Variants in HADHB observed in about 807,000 individuals in gnomAD.
HADHB encodes hydroxyacyl-CoA dehydrogenase trifunctional multienzyme complex subunit beta.
Under a neutral mutation model 61.9 loss-of-function variants are expected in HADHB, and 50 were observed. That is an observed-to-expected ratio of 0.81 (90% CI 0.64 to 1.02). The LOEUF (loss-of-function observed/expected upper bound fraction) is 1.02. Among genes scored for constraint, HADHB ranks in the 50% least tolerant of loss-of-function variants. The pLI is 0.00. For missense variants in HADHB, 504 were observed against 586.5 expected (o/e 0.86, Z 1.45); for synonymous variants, 191 against 201.6 (o/e 0.95, Z 0.45).
chr2:26,263,230 C>T (rs977769743), intron 3 of HADHB, 150 bp from the exon 4 acceptor site: 5 of 528,404 alleles, frequency 9.5e-6, no homozygotes, highest in Middle Eastern at 5.4e-4. Flanking sequence ...ATCCGGGAGG[C>T]AGAGGTTGCA....
intron 10 of HADHB, among the ~76,000 whole-genome samples, chr2:26,281,656 T>C (rs1672793557): frequency 6.6e-6 from 1 of 152,240 alleles, no homozygotes; most frequent in Admixed American, 6.5e-5. Flanking sequence ...TTTTGGGGAC[T>C]GCATTAGTGC....
intron 3 of HADHB, chr2:26,261,221 C>A (rs979607333): frequency 5.0e-5 from 24 of 475,570 alleles, no homozygotes; most frequent in Non-Finnish European, 7.4e-5. Flanking sequence ...TACCCCCCCC[C>A]CATCCAGACA....
intron 3 of HADHB, among the ~76,000 whole-genome samples, chr2:26,257,906 C>G (rs550585688): frequency 5.0e-4 from 76 of 152,158 alleles, no homozygotes; most frequent in African/African-American, 1.7e-3. Flanking sequence ...GTAATCCCAG[C>G]TACTTGGGAG....
Position 26,271,563 on chromosome 2 carries a change from C to CT in HADHB, c.254+1571dup, listed in dbSNP as rs569616427. On this transcript the variant is annotated intron_variant, in intron 5 of 15. Transcript: ENST00000317799. ...CACAACTGGATCTCTCCCTCTTTCT[C>CT]TTTTTGAAAGGTGTTTTGCAAGTTT... 5.3e-5 allele frequency among the ~76,000 whole-genome samples: 8 copies of CT among 152,236 alleles called. No homozygotes were observed. The South Asian group carries it at 1.7e-3, about 32-fold the overall frequency.
chr2:26,274,581 G>T (rs759705722), intron 6 of HADHB, among the ~76,000 whole-genome samples: 3 of 152,190 alleles, frequency 2.0e-5, no homozygotes, highest in Non-Finnish European at 2.9e-5. Context: ...TGAAGCCTAC[G>T]AAACTAACTG....
In HADHB at chr2:26,246,560, C is replaced by T. The variant is rs760310170; in HGVS notation, c.-9+1570C>T. ...TTCACCATGTTAGCCAGCCTGGTCC[C>T]GAACTCCTGACCTTAGGTGATTCGC... On this transcript the variant is annotated intron_variant, in intron 1 of 15. Coordinates refer to ENST00000317799, the MANE Select transcript of HADHB (RefSeq NM_000183.3). Among the ~76,000 whole-genome samples, 5 of 152,106 alleles carry T rather than the reference C, an allele frequency of 3.3e-5. 1 individual carries two copies. Among genetic ancestry groups the T allele is most frequent in the Admixed American group, 6.5e-5 (1 of 15,268 alleles).
intron 3 of HADHB, chr2:26,261,035 T>C: frequency 6.6e-7 from 1 of 1,517,604 alleles, no homozygotes; most frequent in Non-Finnish European, 8.8e-7. Context: ...CACTGGTTTC[T>C]GGTTGGCTCC....
chr2:26,257,014 T>C (rs1429733690), intron 3 of HADHB, among the ~76,000 whole-genome samples: 1 of 152,228 alleles, frequency 6.6e-6, no homozygotes, highest in Non-Finnish European at 1.5e-5. Flanking sequence ...TTTTCTCTAA[T>C]GCTTTTTCTT....
At chr2:26,252,461 A>G (rs533272203) in intron 1 of HADHB, among the ~76,000 whole-genome samples, 2 of 152,350 alleles carry the variant, frequency 1.3e-5, no homozygotes, top group South Asian at 4.1e-4. Flanking sequence ...CCTGACCCCT[A>G]GTTACCCAGT....
At chr2:26,263,770 T>C (rs970384605) in intron 4 of HADHB, among the ~76,000 whole-genome samples, 11 of 152,230 alleles carry the variant, frequency 7.2e-5, no homozygotes, top group Admixed American at 2.6e-4. Context: ...TTTCCTTTTC[T>C]GGAGACAAGT....
chr2:26,262,526 C>CT (rs1671906432), intron 3 of HADHB, among the ~76,000 whole-genome samples: 1 of 152,084 alleles, frequency 6.6e-6, no homozygotes. Flanking sequence ...GTATTATTTA[C>CT]TTTTTAAAAA....
chr2:26,275,758 A>T (rs1672513478), intron 6 of HADHB, among the ~76,000 whole-genome samples: 1 of 152,252 alleles, frequency 6.6e-6, no homozygotes, highest in Non-Finnish European at 1.5e-5. Context: ...GAATGAGGTC[A>T]TGTTGCAGTT....
At chr2:26,259,120 T>G (rs1671758999) in intron 3 of HADHB, among the ~76,000 whole-genome samples, 1 of 152,212 alleles carries the variant, frequency 6.6e-6, no homozygotes, top group Non-Finnish European at 1.5e-5. Context: ...CACCAATTAC[T>G]TACTGCACGG....
chr2:26,253,802 G>C (rs928157939), intron 1 of HADHB, among the ~76,000 whole-genome samples: 1 of 151,150 alleles, frequency 6.6e-6, no homozygotes, highest in South Asian at 2.1e-4. Context: ...GCAGTGAACC[G>C]AGATTGCACC....
chr2:26,277,679 T>C (rs1672605543), intron 7 of HADHB, among the ~76,000 whole-genome samples: 1 of 152,212 alleles, frequency 6.6e-6, no homozygotes, highest in Non-Finnish European at 1.5e-5. Context: ...AACATTACCA[T>C]TGGCGTGGTT....
intron 4 of HADHB, among the ~76,000 whole-genome samples, chr2:26,267,905 TG>T: frequency 6.6e-6 from 1 of 151,664 alleles, no homozygotes; most frequent in Non-Finnish European, 1.5e-5. Flanking sequence ...TTTGGGAGGC[TG>T]AGGTAGGAGG....
chr2:26,260,589 T>A, intron 3 of HADHB: 1 of 183,468 alleles, frequency 5.5e-6, no homozygotes, highest in Non-Finnish European at 1.1e-5. Context: ...TGTTCTCTCT[T>A]GATTCTCCTA....
At position 26,254,304 on chromosome 2, in the gene HADHB, G is replaced by A; in HGVS notation, c.50G>A (p.Trp17Ter). The change falls in exon 2 of 16, where the codon TGG becomes TAG. Residue 17 changes from tryptophan to a stop codon, truncating the protein, a stop_gained. Coordinates refer to ENST00000317799, the MANE Select transcript of HADHB (RefSeq NM_000183.3). LOFTEE classifies it high-confidence loss of function. ...AAAAATCTTCCCACTGCATCAAAAT[G>A]GGCCCTCAGATTTTGTAAGTTTATT... ...PFKNLPTASKWALRFSIRPLS... is the reference protein window; with the variant it reads ...PFKNLPTASK 6.5e-7 allele frequency: 1 copy of A among 1,543,688 alleles called. No homozygotes were observed.
intron 1 of HADHB, among the ~76,000 whole-genome samples, chr2:26,252,424 A>G (rs1326556571): frequency 6.6e-6 from 1 of 152,192 alleles, no homozygotes; most frequent in Non-Finnish European, 1.5e-5. Context: ...GAAATTATAA[A>G]AGGTGTGTGA....
Sources: allele counts gnomAD v4.1 joint callset (sites outside exome capture counted in the v4.1 genomes callset), GRCh38; gene constraint gnomAD v4.1.1; transcripts MANE v1.5; gene names NCBI Gene and HGNC (gene_info 2026-07-23, HGNC 2026-07-21).